INPP5F: variants seen among roughly 807,000 people sequenced by gnomAD.
The protein encoded by INPP5F is phosphatidylinositide 4-phosphatase SAC2.
A neutral mutation model predicts 137.2 loss-of-function variants in INPP5F; 97 were observed. The ratio of observed to expected loss-of-function variants is 0.71; its 90% CI spans 0.60 to 0.84. The LOEUF (loss-of-function observed/expected upper bound fraction) is 0.84, where lower values mean the gene tolerates loss of function less well. Ranked by LOEUF, INPP5F falls within the 40% of genes least tolerant of loss-of-function variation. The probability of loss-of-function intolerance (pLI) is 0.00; values close to 1 mark genes in which losing one functional copy is unlikely to be tolerated. For missense variants in INPP5F, 1,271 were observed against 1,371.9 expected (o/e 0.93, Z 1.16); for synonymous variants, 504 against 476.9 (o/e 1.06, Z -0.74).
In INPP5F at chr10:119,726,296, C is replaced by G. The variant is rs761382600; in HGVS notation, c.34C>G (p.Leu12Val). 1 of 1,491,378 alleles carries G rather than the reference C, an allele frequency of 6.7e-7. No homozygotes were observed. Among genetic ancestry groups the G allele is most frequent in the Non-Finnish European group, 8.9e-7 (1 of 1,119,862 alleles). The allele number at this position is 1,491,378 out of a possible 1,614,324, so 92.4% of individuals were successfully genotyped here. Residue 12 changes from leucine (L) to valine (V), a missense_variant, in exon 1 of 20, where the codon CTG (leucine) becomes GTG (valine). Physicochemically the swap from Leu to Val is conservative, Grantham distance 32. Coordinates refer to ENST00000650623, the MANE Select transcript of INPP5F (RefSeq NM_014937.4). ...CTTCCAAGCCAAGGACCACTACATCCTGCAGCAGGGCGAGCGCGCGCTGTG... is the reference window on the plus strand; with the variant it reads ...CTTCCAAGCCAAGGACCACTACATCGTGCAGCAGGGCGAGCGCGCGCTGTG... ...ELFQAKDHYI[L>V]QQGERALWCS...
At chr10:119,784,484 G>A (rs917216304) in intron 3 of INPP5F, among the ~76,000 whole-genome samples, 2 of 152,150 alleles carry the variant, frequency 1.3e-5, no homozygotes. Flanking sequence ...GGATGTCTGT[G>A]TATCAGTTTG....
intron 3 of INPP5F, among the ~76,000 whole-genome samples, chr10:119,785,260 C>T (rs1397903102): frequency 7.2e-6 from 1 of 138,246 alleles, no homozygotes; most frequent in South Asian, 2.5e-4. Flanking sequence ...GTAACTCTAT[C>T]TAACCTTTTG....
chr10:119,792,599 C>T (rs772720901), intron 6 of INPP5F, among the ~76,000 whole-genome samples: 15 of 148,478 alleles, frequency 1.0e-4, no homozygotes, highest in Admixed American at 2.7e-4. Context: ...TAACCTTCGC[C>T]GGACTTCTGT....
At position 119,804,210 on chromosome 10, in the gene INPP5F, A is replaced by T; in HGVS notation, c.1154A>T (p.Lys385Met). The T allele has an allele frequency of 6.2e-7, 1 of 1,611,148 alleles. No homozygotes were observed. The highest frequency in any genetic ancestry group is 8.5e-7 in the Non-Finnish European group (1 of 1,177,896). Residue 385 changes from lysine to methionine, a missense_variant, in exon 10 of 20, where the codon AAG becomes ATG. Lys to Met is a moderately conservative substitution (Grantham distance 95). Coordinates refer to ENST00000650623, the MANE Select transcript of INPP5F (RefSeq NM_014937.4). ...TTGGTAGACCAGGCAGGAAGAGAGA[A>T]GATTATTGGCGATGCTTACCTGAAG... ...INLVDQAGRE[K>M]IIGDAYLKQV...
chr10:119,790,256 C>T (rs1014475473), intron 3 of INPP5F, among the ~76,000 whole-genome samples: 35 of 152,196 alleles, frequency 2.3e-4, no homozygotes, highest in Admixed American at 2.3e-3. Flanking sequence ...AAGCTTGGTT[C>T]TGTCTTCTCT....
Position 119,797,641 on chromosome 10 carries a change from G to A in INPP5F, c.1048+1G>A. 1 of 1,598,140 alleles carries A rather than the reference G, an allele frequency of 6.3e-7. No homozygotes were observed. Among genetic ancestry groups the A allele is most frequent in the South Asian group, 1.1e-5 (1 of 87,682 alleles). Reference sequence around the variant, plus strand: ...AACCCAAGACCGCGGCTGGACAGAAGTAAGCAGGTCAATTATTGGGTTTGC... The same window carrying A: ...AACCCAAGACCGCGGCTGGACAGAAATAAGCAGGTCAATTATTGGGTTTGC... On this transcript the variant is annotated splice_donor_variant, in intron 8 of 19. Transcript: ENST00000650623. LOFTEE classifies it high-confidence loss of function.
In INPP5F at chr10:119,805,262, CAT is replaced by C. The variant is rs1307470954; in HGVS notation, c.1242-117_1242-116del. The C allele has an allele frequency of 3.7e-5, 25 of 671,044 alleles. No individual in the cohort carries two copies. In the African/African-American group the frequency reaches 4.5e-4, roughly 12 times the overall value. 41.6% of individuals were successfully genotyped at this position (671,044 alleles called of 1,614,324 possible). On this transcript the variant is annotated intron_variant, in intron 10 of 19. Coordinates refer to ENST00000650623, the MANE Select transcript of INPP5F (RefSeq NM_014937.4). ...ATATAATATATAGTAGTATTAACCT[CAT>C]ATATGTACAGCAACAATTCTTTTTA...
Position 119,726,266 on chromosome 10 carries a change from G to T in INPP5F, c.4G>T (p.Glu2Ter). 6.8e-7 allele frequency: 1 copy of T among 1,479,252 alleles called. No homozygotes were observed. Among genetic ancestry groups the T allele is most frequent in the Non-Finnish European group, 9.0e-7 (1 of 1,114,344 alleles). The allele number at this position is 1,479,252 out of a possible 1,614,324, so 91.6% of individuals were successfully genotyped here. The change falls in exon 1 of 20, where the codon GAG becomes TAG. Residue 2 changes from glutamate (E) to a stop codon, truncating the protein, a stop_gained. Coordinates refer to ENST00000650623, the MANE Select transcript of INPP5F (RefSeq NM_014937.4). LOFTEE classifies it high-confidence loss of function. ...TCCCTGGGCGCGCGGGGCCAGCATG[G>T]AGCTCTTCCAAGCCAAGGACCACTA... M[E>*]LFQAKDHYIL...
chr10:119,744,725 G>A (rs1176791534), intron 1 of INPP5F, among the ~76,000 whole-genome samples: 3 of 151,996 alleles, frequency 2.0e-5, no homozygotes, highest in African/African-American at 4.8e-5. Flanking sequence ...TTAATATTTT[G>A]TAGAGGCAGG....
At chr10:119,738,250 T>A (rs546182445) in intron 1 of INPP5F, among the ~76,000 whole-genome samples, 5 of 152,284 alleles carry the variant, frequency 3.3e-5, no homozygotes, top group Non-Finnish European at 7.3e-5. Flanking sequence ...GCTATACTTT[T>A]GTAATTTGTA....
At chr10:119,782,208 GAAAGTTTTTTA>G (rs1849731863) in intron 3 of INPP5F, among the ~76,000 whole-genome samples, 1 of 152,186 alleles carries the variant, frequency 6.6e-6, no homozygotes, top group African/African-American at 2.4e-5. Flanking sequence ...AATTTACAAA[GAAAGTTTTTTA>G]AAAGGAAGAC....
At chr10:119,797,966 G>T (rs1850442724) in intron 8 of INPP5F, among the ~76,000 whole-genome samples, 1 of 151,898 alleles carries the variant, frequency 6.6e-6, no homozygotes, top group African/African-American at 2.4e-5. Flanking sequence ...GTAGAAGCAG[G>T]AACTATCTTA....
intron 6 of INPP5F, among the ~76,000 whole-genome samples, chr10:119,794,753 C>G (rs1234562655): frequency 7.2e-6 from 1 of 139,034 alleles, no homozygotes; most frequent in Non-Finnish European, 1.6e-5. Flanking sequence ...GGGCTGACCC[C>G]CCCACCTCCC....
At chr10:119,796,249 T>C (rs1850377849) in intron 6 of INPP5F, among the ~76,000 whole-genome samples, 1 of 152,236 alleles carries the variant, frequency 6.6e-6, no homozygotes, top group South Asian at 2.1e-4. Context: ...ATGTGTTTTA[T>C]AATAAAGTGA....
chr10:119,813,239 A>G (rs1261349722), intron 15 of INPP5F, among the ~76,000 whole-genome samples: 1 of 152,224 alleles, frequency 6.6e-6, no homozygotes, highest in African/African-American at 2.4e-5. Context: ...TAAAGTGTAT[A>G]TAGCTTTGCT....
In INPP5F at chr10:119,827,431, C is replaced by A; in HGVS notation, c.3050C>A (p.Ser1017Tyr). 1 of 1,614,206 alleles carries A rather than the reference C, an allele frequency of 6.2e-7. No homozygotes were observed. The highest frequency in any genetic ancestry group is 8.5e-7 in the Non-Finnish European group (1 of 1,180,016). The stretch of plus-strand genomic sequence containing the variant: ...TCTCGGCCATCGCAATTAGATGTCT[C>A]TCTTTCTGCAACAGGCCCACAGTTT... ...TPSRPSQLDV[S>Y]LSATGPQFLS... Residue 1017 changes from serine to tyrosine, a missense_variant, in exon 20 of 20, where the codon TCT becomes TAT. Around this residue, in one of 6 missense-constraint regions of INPP5F, gnomAD observed 490 missense variants for 443.7 expected, o/e 1.10. Coordinates refer to ENST00000650623, the MANE Select transcript of INPP5F (RefSeq NM_014937.4).
At chr10:119,816,796 AC>A (rs1292377967) in intron 15 of INPP5F, among the ~76,000 whole-genome samples, 1 of 152,206 alleles carries the variant, frequency 6.6e-6, no homozygotes, top group African/African-American at 2.4e-5. Flanking sequence ...GCCTGCCTGA[AC>A]CATCCACTCC....
intron 16 of INPP5F, among the ~76,000 whole-genome samples, chr10:119,821,166 G>A (rs933685415): frequency 6.6e-6 from 1 of 152,040 alleles, no homozygotes; most frequent in African/African-American, 2.4e-5. Context: ...TTGGCATTTG[G>A]TGTTATTTCC....
chr10:119,824,910 C>T (rs1433885624), intron 19 of INPP5F, among the ~76,000 whole-genome samples: 1 of 152,204 alleles, frequency 6.6e-6, no homozygotes, highest in Non-Finnish European at 1.5e-5. Flanking sequence ...TTCCACATTA[C>T]TGTAGAATTC....
Sources: allele counts gnomAD v4.1 joint callset (sites outside exome capture counted in the v4.1 genomes callset), GRCh38; gene constraint gnomAD v4.1.1; regional missense constraint gnomAD v4.1.1; transcripts MANE v1.5; gene names NCBI Gene and HGNC (gene_info 2026-07-23, HGNC 2026-07-21).